The following HPS1 variants were observed in gnomAD, a reference collection of about 807,000 sequenced individuals.
HPS1 encodes the protein BLOC-3 complex member HPS1.
In HPS1, 59 loss-of-function variants were observed where a neutral mutation model predicts 90.6. The ratio of observed to expected loss-of-function variants is 0.65; its 90% CI spans 0.53 to 0.81. The LOEUF (loss-of-function observed/expected upper bound fraction) is 0.81, where lower values mean the gene tolerates loss of function less well. HPS1 is among the 30% of genes least tolerant of loss of function. HPS1 has a pLI of 0.00. For synonymous variants in HPS1, 388 were observed against 384.4 expected, an observed-to-expected ratio of 1.01 and a Z score of -0.11; for missense variants, 849 against 896.7, an observed-to-expected ratio of 0.95 and a Z score of 0.68.
chr10:98,435,888 G>T lies in HPS1; in HGVS notation c.118-116C>A. ...TCCATAGTGTTAGACCCTCCTGGGA[G>T]GGTATCACTGTCCTGGTAGGGAGGG... On this transcript the variant is annotated intron_variant, in intron 3 of 19. Transcript: ENST00000361490. This position sits in a 1 kb window ranked among gnomAD's most constrained non-coding sequence, Gnocchi z 4.3. 1 of 1,310,574 alleles carries T rather than the reference G, an allele frequency of 7.6e-7. No individual in the cohort carries two copies. 81.2% of individuals were successfully genotyped at this position (1,310,574 alleles called of 1,614,324 possible).
intron 8 of HPS1, among the ~76,000 whole-genome samples, chr10:98,430,208 C>T (rs1846234195): frequency 6.6e-6 from 1 of 152,212 alleles, no homozygotes; most frequent in Admixed American, 6.5e-5. Flanking sequence ...GTGGGAACCA[C>T]CCCTTTTGTC....
chr10:98,420,449 T>C, intron 17 of HPS1: 1 of 379,128 alleles, frequency 2.6e-6, no homozygotes, highest in Non-Finnish European at 5.1e-6. Context: ...TGTGGTGGCT[T>C]ACGCCTGTAA....
At chr10:98,434,367 G>A (rs1846987224) in intron 5 of HPS1, among the ~76,000 whole-genome samples, 1 of 151,490 alleles carries the variant, frequency 6.6e-6, no homozygotes, top group Non-Finnish European at 1.5e-5. Context: ...GCTAGAGAGA[G>A]CCAGGGTGAT....
At chr10:98,440,206 C>G (rs778009556) in intron 3 of HPS1, among the ~76,000 whole-genome samples, 5 of 152,160 alleles carry the variant, frequency 3.3e-5, no homozygotes, top group Non-Finnish European at 7.3e-5. Flanking sequence ...GGAGCATACT[C>G]ATATATTACT....
downstream of HPS1, chr10:98,414,695 C>A: frequency 3.9e-6 from 1 of 255,286 alleles, no homozygotes; most frequent in Non-Finnish European, 7.4e-6. Context: ...GAAACTAGGT[C>A]ACTTTGCAAG....
Position 98,420,194 on chromosome 10 carries a change from G to A in HPS1, c.1744-36C>T, listed in dbSNP as rs769637874. On this transcript the variant is annotated intron_variant, in intron 17 of 19. Coordinates refer to ENST00000361490, the MANE Select transcript of HPS1 (RefSeq NM_000195.5). Reference sequence around the variant, plus strand: ...GACAGCAAGCATCACCACTCTCCCAGCCTTGGTCTGCCTGGGCAGCTCTCA... The same window carrying A: ...GACAGCAAGCATCACCACTCTCCCAACCTTGGTCTGCCTGGGCAGCTCTCA... 2.1e-6 allele frequency: 3 copies of A among 1,453,642 alleles called. No homozygotes were observed. In the East Asian group the frequency reaches 6.8e-5, roughly 33 times the overall value. 90.0% of individuals were successfully genotyped at this position (1,453,642 alleles called of 1,614,324 possible).
intron 17 of HPS1, among the ~76,000 whole-genome samples, chr10:98,422,144 T>G (rs1265250776): frequency 1.3e-5 from 2 of 152,252 alleles, no homozygotes; most frequent in Admixed American, 6.5e-5. Context: ...AGAAATCACC[T>G]TGTTTTAAAT....
chr10:98,431,118 A>C lies in HPS1; in HGVS notation c.668+13T>G, dbSNP rs1226865544. The C allele has an allele frequency of 6.2e-7, 1 of 1,613,852 alleles. No individual in the cohort carries two copies. Among genetic ancestry groups the C allele is most frequent in the Non-Finnish European group, 8.5e-7 (1 of 1,179,960 alleles). ...GGAGCCTTTAGCCACCACATGCCAG[A>C]CCTTGAGCTCACCTAGAGTAGAATG... is the stretch of plus-strand genomic sequence containing the variant. On this transcript the variant is annotated intron_variant, in intron 7 of 19. Coordinates refer to ENST00000361490, the MANE Select transcript of HPS1 (RefSeq NM_000195.5).
intron 17 of HPS1, among the ~76,000 whole-genome samples, 169 bp downstream of exon 17, chr10:98,422,200 C>T (rs1844969051): frequency 1.3e-5 from 2 of 152,258 alleles, no homozygotes; most frequent in African/African-American, 2.4e-5. Flanking sequence ...CATTCTAGCT[C>T]ATTCAACAAA....
chr10:98,432,616 G>A (rs185206172), intron 6 of HPS1, among the ~76,000 whole-genome samples: 75 of 152,138 alleles, frequency 4.9e-4, no homozygotes, highest in African/African-American at 1.6e-3. Flanking sequence ...ATATCTGTAC[G>A]TGTTCTTTTT....
downstream of HPS1, chr10:98,414,187 A>G (rs1250667996): frequency 2.6e-5 from 4 of 152,118 alleles, no homozygotes; most frequent in East Asian, 5.8e-4. Context: ...GCTCTAGTAC[A>G]TATGAAAATG....
intron 6 of HPS1, among the ~76,000 whole-genome samples, chr10:98,431,624 T>C (rs1437205596): frequency 1.3e-5 from 2 of 152,172 alleles, no homozygotes; most frequent in Non-Finnish European, 2.9e-5. Context: ...TGTCCCTGAA[T>C]TAGGTCACCT....
chr10:98,418,620 G>A (rs979310791), intron 18 of HPS1, among the ~76,000 whole-genome samples: 2 of 152,258 alleles, frequency 1.3e-5, no homozygotes, highest in African/African-American at 4.8e-5. Context: ...GGAATTCCCA[G>A]GGTGGGATAA....
chr10:98,439,340 C>A (rs1937990495), intron 3 of HPS1, among the ~76,000 whole-genome samples: 1 of 152,172 alleles, frequency 6.6e-6, no homozygotes, highest in Non-Finnish European at 1.5e-5. Flanking sequence ...TCAACACCAG[C>A]CTGTGAAAAC....
intron 10 of HPS1, chr10:98,429,331 G>T: frequency 6.9e-7 from 1 of 1,439,130 alleles, no homozygotes; most frequent in South Asian, 1.4e-5. Flanking sequence ...AGTTTTAAAT[G>T]AATCAACTTG....
At chr10:98,441,450 C>CTT (rs780021239) in intron 3 of HPS1, among the ~76,000 whole-genome samples, 6 of 152,160 alleles carry the variant, frequency 3.9e-5, no homozygotes, top group Non-Finnish European at 7.3e-5. Context: ...AGAGAAAACT[C>CTT]TTTGTAAGTT....
Position 98,435,026 on chromosome 10 carries a change from G to A in HPS1, c.398+246C>T. On this transcript the variant is annotated intron_variant, in intron 5 of 19. Transcript: ENST00000361490. This position sits in a 1 kb window ranked among gnomAD's most constrained non-coding sequence, Gnocchi z 4.3. ...CTGAGCTCAAATATCCAGTTTGGATGTGGCCACCAACCAGCTAGATGACCC... is the reference window on the plus strand; with the variant it reads ...CTGAGCTCAAATATCCAGTTTGGATATGGCCACCAACCAGCTAGATGACCC... 2 of 537,560 alleles carry A rather than the reference G, an allele frequency of 3.7e-6. No individual in the cohort carries two copies. Among genetic ancestry groups the A allele is most frequent in the Admixed American group, 3.1e-5 (1 of 32,216 alleles). The allele number at this position is 537,560 out of a possible 1,614,324, so 33.3% of individuals were successfully genotyped here. A position where few individuals can be genotyped will look rare whatever the true frequency, so the allele number is the denominator to read the frequency against.
At chr10:98,427,160 C>G (rs1845714720) in intron 11 of HPS1, 55 bp downstream of exon 11, 1 of 1,434,486 alleles carries the variant, frequency 7.0e-7, no homozygotes, top group Non-Finnish European at 9.6e-7. Context: ...GCCCCCAATA[C>G]TCACTGCGGC....
downstream of HPS1, chr10:98,415,083 GGGAA>G (rs1843962214): frequency 1.5e-5 from 24 of 1,614,024 alleles, no homozygotes; most frequent in Non-Finnish European, 2.0e-5. Flanking sequence ...TCTCCACGCC[GGGAA>G]GGGAGAGGCG....
Sources: gnomAD v4.1 joint callset for allele counts (sites outside exome capture counted in the v4.1 genomes callset) on GRCh38, gnomAD v4.1.1 for gene constraint, Gnocchi (gnomAD v3.1) non-coding constraint, MANE v1.5 for transcripts, NCBI Gene and HGNC (gene_info 2026-07-23, HGNC 2026-07-21) for gene names.